SCAF8: variants seen among roughly 807,000 people sequenced by gnomAD.
The protein encoded by SCAF8 is SR-related CTD associated factor 8, also known as SR-related and CTD-associated factor 8.
SCAF8 carries 23 observed loss-of-function variants against 140.5 expected under a neutral mutation model. The ratio of observed to expected loss-of-function variants is 0.16; its 90% CI spans 0.12 to 0.23. The LOEUF (loss-of-function observed/expected upper bound fraction) is 0.23. SCAF8 is among the 10% of genes least tolerant of loss of function. The pLI is 1.00. For missense variants in SCAF8, 1,397 were observed against 1,555.7 expected (o/e 0.90, Z 1.72); for synonymous variants, 575 against 528.9 (o/e 1.09, Z -1.20).
At chr6:154,762,964 C>T (rs1014257818) in intron 1 of SCAF8, among the ~76,000 whole-genome samples, 1 of 152,248 alleles carries the variant, frequency 6.6e-6, no homozygotes, top group East Asian at 1.9e-4. Context: ...TCACTTGTGT[C>T]ATTCCTGCCC....
chr6:154,808,290 A>AT, intron 10 of SCAF8, 89 bp downstream of exon 10: 1 of 1,287,522 alleles, frequency 7.8e-7, no homozygotes, highest in Non-Finnish European at 1.1e-6. Flanking sequence ...CCCTGAATAT[A>AT]TTTTTCCCAC....
chr6:154,768,099 T>C (rs1776634054), intron 1 of SCAF8, among the ~76,000 whole-genome samples: 2 of 152,212 alleles, frequency 1.3e-5, no homozygotes, highest in African/African-American at 4.8e-5. Flanking sequence ...TTTTGGCCTT[T>C]TGAGATAGCT....
intron 1 of SCAF8, among the ~76,000 whole-genome samples, chr6:154,772,728 T>G (rs922042788): frequency 3.3e-5 from 5 of 152,064 alleles, no homozygotes; most frequent in African/African-American, 1.2e-4. Context: ...GGGGATGGGG[T>G]GGGATTATTG....
At chr6:154,744,425 C>T (rs941328642) in intron 1 of SCAF8, among the ~76,000 whole-genome samples, 1 of 152,190 alleles carries the variant, frequency 6.6e-6, no homozygotes, top group Non-Finnish European at 1.5e-5. Context: ...AAGTGAACCA[C>T]TTTATAATAT....
intron 14 of SCAF8, 151 bp downstream of exon 14, chr6:154,818,743 G>T: frequency 2.5e-6 from 1 of 397,040 alleles, no homozygotes; most frequent in South Asian, 7.7e-5. Flanking sequence ...TAAATGTTAT[G>T]GACAAACCTC....
intron 1 of SCAF8, among the ~76,000 whole-genome samples, chr6:154,741,734 C>T (rs1029506436): frequency 6.6e-6 from 1 of 152,122 alleles, no homozygotes; most frequent in Non-Finnish European, 1.5e-5. Flanking sequence ...GAAGGGGTAT[C>T]AGTGGCTTAG....
At chr6:154,824,986 T>A (rs1316533192) in intron 17 of SCAF8, 1 of 152,064 alleles carries the variant, frequency 6.6e-6, no homozygotes, top group Admixed American at 6.6e-5. Context: ...ATTATTACTC[T>A]TAAAGTAATG....
intron 6 of SCAF8, among the ~76,000 whole-genome samples, chr6:154,796,837 T>C (rs1181748977): frequency 6.6e-6 from 1 of 152,112 alleles, no homozygotes; most frequent in Non-Finnish European, 1.5e-5. Context: ...CTAGGCAGCT[T>C]GGCACATGCC....
chr6:154,747,006 A>C (rs1778715969), intron 1 of SCAF8, among the ~76,000 whole-genome samples: 1 of 152,206 alleles, frequency 6.6e-6, no homozygotes, highest in African/African-American at 2.4e-5. Flanking sequence ...ACATTCTAAA[A>C]TTCAGGGGCT....
At chr6:154,751,733 T>C (rs915540847) in intron 1 of SCAF8, among the ~76,000 whole-genome samples, 1 of 152,204 alleles carries the variant, frequency 6.6e-6, no homozygotes, top group Non-Finnish European at 1.5e-5. Context: ...GTGATCTTGG[T>C]AGTATTTATG....
At chr6:154,752,915 C>T (rs1432731879) in intron 1 of SCAF8, among the ~76,000 whole-genome samples, 45 of 152,008 alleles carry the variant, frequency 3.0e-4, no homozygotes, top group Non-Finnish European at 8.8e-5. Flanking sequence ...TATTACTGGT[C>T]ATCATTTAAA....
rs747010776 is a variant in SCAF8 at position 154,832,480 on chromosome 6, T to G, written c.2901T>G (p.Arg967=). 1 of 1,614,046 alleles carries G rather than the reference T, an allele frequency of 6.2e-7. No homozygotes were observed. Among genetic ancestry groups the G allele is most frequent in the Non-Finnish European group, 8.5e-7 (1 of 1,179,982 alleles). ...VLDSALHPPP[R]GPFPPGDIFS... is the part of the protein sequence containing the mutation. ...ATTCAGCTCTTCATCCACCACCCCGTGGACCTTTTCCTCCAGGAGATATTT... is the reference window on the plus strand; with the variant it reads ...ATTCAGCTCTTCATCCACCACCCCGGGGACCTTTTCCTCCAGGAGATATTT... Residue 967 remains arginine, a synonymous_variant, in exon 20 of 20, where the codon CGT becomes CGG. Coordinates refer to ENST00000367178, the MANE Select transcript of SCAF8 (RefSeq NM_014892.5).
intron 13 of SCAF8, among the ~76,000 whole-genome samples, chr6:154,817,393 T>C (rs1329547474): frequency 1.3e-5 from 2 of 152,210 alleles, no homozygotes; most frequent in African/African-American, 2.4e-5. Flanking sequence ...CTTTATTGTA[T>C]TATGTTTTGA....
rs560973231 is a variant in SCAF8, at chr6:154,752,901, A to T, written c.30+18971A>T. On this transcript the variant is annotated intron_variant, in intron 1 of 19. Transcript: ENST00000367178. Reference sequence around the variant, plus strand: ...CATGCCCGGCCAGTATTTTAGACTAATATTATTACTGGTCATCATTTAAAA... The same window carrying T: ...CATGCCCGGCCAGTATTTTAGACTATTATTATTACTGGTCATCATTTAAAA... 5.8e-4 allele frequency among the ~76,000 whole-genome samples: 89 copies of T among 152,278 alleles called. 1 individual carries two copies. Among genetic ancestry groups the T allele is most frequent in the African/African-American group, 2.1e-3 (88 of 41,562 alleles).
At chr6:154,817,282 C>G (rs1176902523) in intron 13 of SCAF8, among the ~76,000 whole-genome samples, 2 of 152,202 alleles carry the variant, frequency 1.3e-5, no homozygotes, top group Admixed American at 1.3e-4. Context: ...CTGAACAGAC[C>G]TTGCATCCAA....
chr6:154,735,519 CTTTT>C (rs11406318), intron 1 of SCAF8, among the ~76,000 whole-genome samples: 2 of 135,532 alleles, frequency 1.5e-5, no homozygotes, highest in Non-Finnish European at 3.1e-5. Flanking sequence ...TGGGAATCTT[CTTTT>C]TTTTTTTTTT....
intron 12 of SCAF8, among the ~76,000 whole-genome samples, chr6:154,812,223 A>C (rs4566891): frequency 3.8e-5 from 4 of 105,198 alleles, no homozygotes; most frequent in African/African-American, 1.1e-4. Flanking sequence ...GGTTGTGACC[A>C]CCCTATGTTG....
At chr6:154,812,814 G>C (rs1336786571) in intron 12 of SCAF8, among the ~76,000 whole-genome samples, 2 of 152,154 alleles carry the variant, frequency 1.3e-5, no homozygotes, top group Non-Finnish European at 2.9e-5. Flanking sequence ...GGAAAAATGT[G>C]TAGAGAGATA....
rs144066252 is a variant in SCAF8, at chr6:154,831,278, A to G, written c.2359+138A>G. 1.3e-3 allele frequency: 726 copies of G among 578,448 alleles called. 14 individuals are homozygous for G. The East Asian group carries it at 0.019, about 15-fold the overall frequency. The allele number at this position is 578,448 out of a possible 1,614,324, so 35.8% of individuals were successfully genotyped here. A position where few individuals can be genotyped will look rare whatever the true frequency, so the allele number is the denominator to read the frequency against. ...CACTTTTTTTTTAAAAGAGATCACT[A>G]TGTCCTAAAATTTCTATTTGAAAAA... is the stretch of plus-strand genomic sequence containing the variant. On this transcript the variant is annotated intron_variant, in intron 19 of 19. Coordinates refer to ENST00000367178, the MANE Select transcript of SCAF8 (RefSeq NM_014892.5).
Sources: gnomAD v4.1 joint callset for allele counts (sites outside exome capture counted in the v4.1 genomes callset) on GRCh38, gnomAD v4.1.1 for gene constraint, MANE v1.5 for transcripts, NCBI Gene and HGNC (gene_info 2026-07-23, HGNC 2026-07-21) for gene names.